The following CASP2 variants were observed in gnomAD, a reference collection of about 807,000 sequenced individuals.
The protein encoded by CASP2 is caspase 2.
CASP2 carries 38 observed loss-of-function variants against 54.4 expected under a neutral mutation model. That is an observed-to-expected ratio of 0.70 (90% confidence interval 0.54 to 0.92). The LOEUF is 0.92. Ranked by LOEUF, CASP2 falls within the 40% of genes least tolerant of loss-of-function variation. The pLI, the probability that CASP2 is intolerant of heterozygous loss-of-function variation, is 0.00. For synonymous variants in CASP2, 215 were observed against 216.3 expected (o/e 0.99, Z 0.05); for missense variants, 512 against 579.6 (o/e 0.88, Z 1.20).
rs763405941 is a variant in CASP2, at chr7:143,300,019, G to A, written c.844G>A (p.Ala282Thr). 9.9e-6 allele frequency: 16 copies of A among 1,613,940 alleles called. No homozygotes were observed. Among genetic ancestry groups the A allele is most frequent in the Admixed American group, 8.3e-5 (5 of 60,004 alleles). ...ACTCCTCTCGCATGGTGTGGAGGGC[G>A]CCATCTATGGTGTGGATGGGAAACT... ...VALLSHGVEG[A>T]IYGVDGKLLQ... The change falls in exon 7 of 11, where the codon GCC becomes ACC. Residue 282 changes from alanine (A) to threonine (T), a missense_variant. Around this residue, in one of 3 missense-constraint regions of CASP2, gnomAD observed 417 missense variants for 495.4 expected, o/e 0.84. Transcript: ENST00000310447.
chr7:143,290,234 G>A (rs1179989008), intron 1 of CASP2, among the ~76,000 whole-genome samples: 1 of 151,722 alleles, frequency 6.6e-6, no homozygotes. Context: ...CTAATTTTTT[G>A]TATTTTTAGT....
chr7:143,299,809 T>C (rs1801861714), intron 6 of CASP2, 114 bp from the exon 7 acceptor site: 1 of 1,161,970 alleles, frequency 8.6e-7, no homozygotes, highest in South Asian at 1.3e-5. Context: ...ACCACAGGAA[T>C]ATACATAAAG....
intron 4 of CASP2, 27 bp from the exon 5 acceptor site, chr7:143,294,203 T>C (rs1353874955): frequency 1.6e-6 from 2 of 1,223,564 alleles, no homozygotes; most frequent in Non-Finnish European, 2.4e-6. Flanking sequence ...TATATACTAG[T>C]TTTTTGGTTT....
intron 8 of CASP2, chr7:143,301,498 G>A (rs1471450004): frequency 2.0e-5 from 3 of 152,154 alleles, no homozygotes; most frequent in Admixed American, 6.5e-5. Flanking sequence ...CAGGCCTCAT[G>A]TAAGCAAAGG....
chr7:143,300,485 C>G (rs999504066), intron 8 of CASP2, 191 bp downstream of exon 8: 1 of 1,592,204 alleles, frequency 6.3e-7, no homozygotes, highest in African/African-American at 1.3e-5. Context: ...CTTGGGCAGC[C>G]CATGGCTCTC....
intron 1 of CASP2, among the ~76,000 whole-genome samples, chr7:143,291,234 C>T (rs1801546060): frequency 6.6e-6 from 1 of 152,080 alleles, no homozygotes; most frequent in Non-Finnish European, 1.5e-5. Flanking sequence ...AGAAGTATTC[C>T]TTCTCATAAA....
chr7:143,300,853 C>G, intron 8 of CASP2: 13 of 1,131,578 alleles, frequency 1.1e-5, no homozygotes, highest in Non-Finnish European at 1.4e-5. Context: ...TGCTGCTGCC[C>G]CTCTTTCTCT....
chr7:143,305,281 C>G lies in CASP2; in HGVS notation c.*210C>G, dbSNP rs762678442. 3.0e-6 allele frequency: 2 copies of G among 660,502 alleles called. No homozygotes were observed. The highest frequency in any genetic ancestry group is 5.4e-6 in the Non-Finnish European group (2 of 372,664). The allele number at this position is 660,502 out of a possible 1,614,324, so 40.9% of individuals were successfully genotyped here. A position where few individuals can be genotyped will look rare whatever the true frequency, so the allele number is the denominator to read the frequency against. ...CTGTGAAGCCCTTTGCCTGTAGAGC[C>G]AGCCTTGGTTGGACCTATTGCCAGG... is the stretch of plus-strand genomic sequence containing the variant. On this transcript the variant is annotated 3_prime_UTR_variant, in exon 11 of 11. Coordinates refer to ENST00000310447, the MANE Select transcript of CASP2 (RefSeq NM_032982.4).
At position 143,288,399 on chromosome 7, in the gene CASP2, C is replaced by A; in HGVS notation, c.-57C>A. ...GGAGGGATGTGGGGGAAGCGACGGC[C>A]CCCGGTTTGTTTGGGCTGTGGGCGG... On this transcript the variant is annotated 5_prime_UTR_variant, in exon 1 of 11. Transcript: ENST00000310447. The A allele has an allele frequency of 6.4e-7, 1 of 1,558,964 alleles. No individual in the cohort carries two copies. Among genetic ancestry groups the A allele is most frequent in the Non-Finnish European group, 8.8e-7 (1 of 1,134,740 alleles).
Position 143,305,108 on chromosome 7 carries a change from C to CT in CASP2, c.*38dup. ...CATCATCCACGCCAAGTGGAAGCCA[C>CT]TGGACCACAGGAGGTGTGATAGAGC... On this transcript the variant is annotated 3_prime_UTR_variant, in exon 11 of 11. Coordinates refer to ENST00000310447, the MANE Select transcript of CASP2 (RefSeq NM_032982.4). 1 of 1,613,232 alleles carries CT rather than the reference C, an allele frequency of 6.2e-7. No homozygotes were observed. The highest frequency in any genetic ancestry group is 8.5e-7 in the Non-Finnish European group (1 of 1,179,192).
Position 143,304,732 on chromosome 7 carries a change from A to T in CASP2, c.1176A>T (p.Gln392His). The T allele has an allele frequency of 6.2e-7, 1 of 1,614,166 alleles. No individual in the cohort carries two copies. The highest frequency in any genetic ancestry group is 1.1e-5 in the South Asian group (1 of 91,080). ...CCTGGTACATCGAGGCTCTTGCTCA[A>T]GTGTTTTCTGAGCGGGCTTGTGATA... Reference protein sequence around the residue: ...RGSWYIEALAQVFSERACDMH... With the variant: ...RGSWYIEALAHVFSERACDMH... The change falls in exon 10 of 11, where the codon CAA becomes CAT. Residue 392 changes from glutamine to histidine, a missense_variant. By Grantham distance (24) the Gln-to-His change is conservative (BLOSUM62 0). Around this residue, in one of 3 missense-constraint regions of CASP2, gnomAD observed 417 missense variants for 495.4 expected, o/e 0.84. Transcript: ENST00000310447.
intron 4 of CASP2, among the ~76,000 whole-genome samples, chr7:143,293,665 A>G (rs1187099651): frequency 6.6e-6 from 1 of 151,860 alleles, no homozygotes; most frequent in East Asian, 1.9e-4. Flanking sequence ...GCGTGCCACC[A>G]TACCCAGCTA....
intron 6 of CASP2, among the ~76,000 whole-genome samples, chr7:143,296,394 T>G (rs905214908): frequency 3.9e-5 from 6 of 152,274 alleles, no homozygotes; most frequent in African/African-American, 1.4e-4. Context: ...TCCTCTTATA[T>G]TCCTAACGAC....
At chr7:143,297,736 C>T (rs943113528) in intron 6 of CASP2, among the ~76,000 whole-genome samples, 7 of 152,222 alleles carry the variant, frequency 4.6e-5, no homozygotes, top group East Asian at 1.9e-4. Context: ...CGTGAGCCAC[C>T]GCGCCCGGCC....
At chr7:143,293,368 T>G (rs971220425) in intron 4 of CASP2, 6 of 425,582 alleles carry the variant, frequency 1.4e-5, no homozygotes, top group African/African-American at 4.1e-5. Flanking sequence ...CCTCAAATGA[T>G]CCTTCCGCCT....
intron 8 of CASP2, chr7:143,303,485 TATTTG>T: frequency 3.8e-6 from 1 of 265,262 alleles, no homozygotes; most frequent in South Asian, 5.0e-5. Context: ...TTACAAGGAG[TATTTG>T]ATTTGGCATT....
intron 8 of CASP2, chr7:143,303,125 A>G (rs1408132759): frequency 6.6e-6 from 1 of 152,082 alleles, no homozygotes; most frequent in Non-Finnish European, 1.5e-5. Flanking sequence ...AAAAGATTTA[A>G]AAAGTTATTT....
chr7:143,294,723 T>C lies in CASP2; in HGVS notation c.697T>C (p.Phe233Leu). ...DVDHSTLVTLFKLLGYDVHVL... is the reference protein window; with the variant it reads ...DVDHSTLVTLLKLLGYDVHVL... ...GGACCACAGTACTCTAGTCACCCTC[T>C]TCAAGCTTTTGGGCTATGACGTCCA... is the stretch of plus-strand genomic sequence containing the variant. Residue 233 changes from phenylalanine to leucine, a missense_variant, in exon 6 of 11, where the codon TTC (phenylalanine) becomes CTC (leucine). Physicochemically the swap from Phe to Leu is conservative, Grantham distance 22. Coordinates refer to ENST00000310447, the MANE Select transcript of CASP2 (RefSeq NM_032982.4). The C allele has an allele frequency of 1.2e-6, 2 of 1,614,236 alleles. No individual in the cohort carries two copies. Among genetic ancestry groups the C allele is most frequent in the Non-Finnish European group, 1.7e-6 (2 of 1,180,042 alleles).
At chr7:143,293,258 C>G (rs879684166) in intron 4 of CASP2, 38 of 519,682 alleles carry the variant, frequency 7.3e-5, no homozygotes, top group Non-Finnish European at 1.2e-4. Flanking sequence ...CTCCCAAGTA[C>G]CTGGGATTAC....
Sources: gnomAD v4.1 joint callset for allele counts (sites outside exome capture counted in the v4.1 genomes callset) on GRCh38, gnomAD v4.1.1 for gene constraint, gnomAD v4.1.1 regional missense constraint, MANE v1.5 for transcripts, NCBI Gene and HGNC (gene_info 2026-07-23, HGNC 2026-07-21) for gene names.